Variants in ALAS1 observed in about 807,000 individuals in gnomAD.
ALAS1 encodes the protein 5-aminolevulinate synthase, non-specific, mitochondrial.
Under a neutral mutation model 59.6 loss-of-function variants are expected in ALAS1, and 29 were observed. The observed-to-expected ratio is 0.49, with a 90% confidence interval of 0.36 to 0.66. The LOEUF (loss-of-function observed/expected upper bound fraction) is 0.66, where lower values mean the gene tolerates loss of function less well. Ranked by LOEUF, ALAS1 falls within the 30% of genes least tolerant of loss-of-function variation. ALAS1 has a pLI of 0.00. For synonymous variants in ALAS1, 299 were observed against 296.6 expected (o/e 1.01, Z -0.08); for missense variants, 690 against 807.5 (o/e 0.85, Z 1.76).
At chr3:52,201,520 G>A (rs1019738701) in intron 3 of ALAS1, among the ~76,000 whole-genome samples, 6 of 152,162 alleles carry the variant, frequency 3.9e-5, no homozygotes, top group Admixed American at 2.0e-4. Context: ...GGGAGGCTGA[G>A]GCGGGAGGAC....
In ALAS1 at chr3:52,203,970, C is replaced by G; in HGVS notation, c.535C>G (p.Pro179Ala). The change falls in exon 5 of 12, where the codon CCA (proline) becomes GCA (alanine). Residue 179 changes from proline to alanine, a missense_variant. Coordinates refer to ENST00000484952, the MANE Select transcript of ALAS1 (RefSeq NM_000688.6). Reference sequence around the variant, plus strand: ...CCAGGACATCATGCAAAAGCAAAGACCAGAAAGAGTGTCTCATCTTCTTCA... The same window carrying G: ...CCAGGACATCATGCAAAAGCAAAGAGCAGAAAGAGTGTCTCATCTTCTTCA... Reference protein sequence around the residue: ...NFQDIMQKQRPERVSHLLQDN... With the variant: ...NFQDIMQKQRAERVSHLLQDN... The G allele has an allele frequency of 1.2e-6, 2 of 1,612,718 alleles. No homozygotes were observed. The highest frequency in any genetic ancestry group is 1.7e-6 in the Non-Finnish European group (2 of 1,179,298).
At position 52,203,932 on chromosome 3, in the gene ALAS1, T is replaced by A; in HGVS notation, c.497T>A (p.Leu166Gln). 1 of 1,613,818 alleles carries A rather than the reference T, an allele frequency of 6.2e-7. No homozygotes were observed. The highest frequency in any genetic ancestry group is 1.1e-5 in the South Asian group (1 of 91,030). ...ACCGATGGAGGGGATCCCAGTGGAC[T>A]GCTGAAGAACTTCCAGGACATCATG... ...VKTDGGDPSG[L>Q]LKNFQDIMQK... The change falls in exon 5 of 12, where the codon CTG becomes CAG. Residue 166 changes from leucine (L) to glutamine (Q), a missense_variant. Transcript: ENST00000484952.
chr3:52,209,722 C>T (rs1431628491), intron 9 of ALAS1, among the ~76,000 whole-genome samples: 6 of 152,172 alleles, frequency 3.9e-5, no homozygotes, highest in East Asian at 1.9e-4. Flanking sequence ...GAGACAGGCT[C>T]TCACTCTGTG....
chr3:52,213,618 AC>A (rs150952302), intron 11 of ALAS1, among the ~76,000 whole-genome samples: 1,808 of 152,104 alleles, frequency 0.012, 14 homozygotes, highest in South Asian at 0.032. Context: ...AGAAGCCCCT[AC>A]CCATTAGGAG....
intron 11 of ALAS1, 41 bp downstream of exon 11, chr3:52,212,461 G>C: frequency 1.2e-6 from 2 of 1,609,828 alleles, no homozygotes; most frequent in Non-Finnish European, 1.7e-6. Flanking sequence ...CTGAGGAGTT[G>C]CATAAAGCTG....
At chr3:52,202,256 A>G (rs888564683) in intron 3 of ALAS1, among the ~76,000 whole-genome samples, 1 of 152,164 alleles carries the variant, frequency 6.6e-6, no homozygotes, top group Middle Eastern at 3.2e-3. Flanking sequence ...AGGCTGAGGC[A>G]TGAGAATCAC....
chr3:52,205,698 A>G, intron 6 of ALAS1, 141 bp from the exon 7 acceptor site: 1 of 763,698 alleles, frequency 1.3e-6, no homozygotes, highest in South Asian at 2.1e-5. Flanking sequence ...ATCAGTTGAA[A>G]TTTCTGACCC....
intron 8 of ALAS1, 114 bp downstream of exon 8, chr3:52,206,865 C>T (rs963457191): frequency 2.3e-5 from 26 of 1,154,740 alleles, no homozygotes; most frequent in African/African-American, 3.1e-5. Context: ...GACCGATCCT[C>T]GCTCTGTTGC....
intron 3 of ALAS1, among the ~76,000 whole-genome samples, chr3:52,200,740 A>G (rs1010109391): frequency 2.0e-5 from 3 of 152,250 alleles, no homozygotes; most frequent in Non-Finnish European, 4.4e-5. Flanking sequence ...TGTTTTTAAC[A>G]AAGAGACTAG....
At chr3:52,204,120 T>C in intron 5 of ALAS1, 108 bp downstream of exon 5, 1 of 1,166,698 alleles carries the variant, frequency 8.6e-7, no homozygotes, top group Admixed American at 2.7e-5. Flanking sequence ...AGCTCATACC[T>C]GTAATCCCAG....
At chr3:52,202,774 G>GCCCAAAAGAAC in intron 4 of ALAS1, 40 bp downstream of exon 4, 1 of 1,581,230 alleles carries the variant, frequency 6.3e-7, no homozygotes. Context: ...TAGTGAAGGG[G>GCCCAAAAGAAC]TCCTTTTAGT....
At chr3:52,212,211 G>A in intron 10 of ALAS1, 47 bp from the exon 11 acceptor site, 2 of 1,568,746 alleles carry the variant, frequency 1.3e-6, no homozygotes, top group South Asian at 1.2e-5. Flanking sequence ...CTGCTAAGAG[G>A]TAGTCCTTCC....
At chr3:52,202,136 G>C (rs1699198969) in intron 3 of ALAS1, among the ~76,000 whole-genome samples, 1 of 152,208 alleles carries the variant, frequency 6.6e-6, no homozygotes, top group Non-Finnish European at 1.5e-5. Context: ...GATAACCTGA[G>C]GTCAGGAGTT....
chr3:52,202,748 T>C lies in ALAS1; in HGVS notation c.427+14T>C, dbSNP rs1198867729. 6.2e-7 allele frequency: 1 copy of C among 1,610,476 alleles called. No individual in the cohort carries two copies. The highest frequency in any genetic ancestry group is 1.7e-5 in the Admixed American group (1 of 59,766). On this transcript the variant is annotated intron_variant, in intron 4 of 11. Transcript: ENST00000484952. ...CCGTGAGGAAAGGTAAGAGATGAGT[T>C]GTGAACCATTAGTGGTAGTGAAGGG...
At chr3:52,207,751 A>G (rs979453469) in intron 8 of ALAS1, among the ~76,000 whole-genome samples, 2 of 152,138 alleles carry the variant, frequency 1.3e-5, no homozygotes, top group African/African-American at 2.4e-5. Context: ...CCGTTCCTGT[A>G]TTAATTCACT....
rs72959305 is a variant in ALAS1, at chr3:52,207,603, C to A, written c.1166-480C>A. ...TCACCTAGGTAGTAAGCATAGTACC[C>A]AATGGTAGTTTTTGATCTCACCCTC... On this transcript the variant is annotated intron_variant, in intron 8 of 11. Coordinates refer to ENST00000484952, the MANE Select transcript of ALAS1 (RefSeq NM_000688.6). 4.1e-3 allele frequency among the ~76,000 whole-genome samples: 630 copies of A among 152,120 alleles called. 4 individuals carry two copies. Among genetic ancestry groups the A allele is most frequent in the African/African-American group, 0.015 (608 of 41,466 alleles).
chr3:52,211,407 C>A lies in ALAS1; in HGVS notation c.1455C>A (p.Ala485=). 1 of 1,614,222 alleles carries A rather than the reference C, an allele frequency of 6.2e-7. No homozygotes were observed. Among genetic ancestry groups the A allele is most frequent in the Non-Finnish European group, 8.5e-7 (1 of 1,180,042 alleles). Residue 485 remains alanine (A), a synonymous_variant, in exon 10 of 12, where the codon GCC becomes GCA. Coordinates refer to ENST00000484952, the MANE Select transcript of ALAS1 (RefSeq NM_000688.6). ...TGCCACCCATGCTGCTGGCTGGAGC[C>A]CTGGAGTCTGTGCGGATCCTGAAGA... ...TSLPPMLLAG[A]LESVRILKSA... is the part of the protein sequence containing the mutation.
chr3:52,205,189 T>C (rs1465197763), intron 6 of ALAS1, among the ~76,000 whole-genome samples: 4 of 152,210 alleles, frequency 2.6e-5, no homozygotes, highest in African/African-American at 9.7e-5. Context: ...TGCAAGTGAG[T>C]GTGCCTTTAA....
At chr3:52,199,155 G>T in intron 2 of ALAS1, 55 bp from the exon 3 acceptor site, 1 of 1,556,808 alleles carries the variant, frequency 6.4e-7, no homozygotes, top group East Asian at 2.3e-5. Context: ...AATCCAGTGA[G>T]CTTGCAGTGA....
Sources: allele counts gnomAD v4.1 joint callset (sites outside exome capture counted in the v4.1 genomes callset), GRCh38; gene constraint gnomAD v4.1.1; transcripts MANE v1.5; gene names NCBI Gene and HGNC (gene_info 2026-07-23, HGNC 2026-07-21).